Variants in FARP1 observed in about 807,000 individuals in gnomAD.
FARP1 encodes FERM, ARHGEF and pleckstrin domain-containing protein 1.
In FARP1, 52 loss-of-function variants were observed where a neutral mutation model predicts 128.8. The ratio of observed to expected loss-of-function variants is 0.40; its 90% CI spans 0.32 to 0.51. The LOEUF (loss-of-function observed/expected upper bound fraction) is 0.51, where lower values mean the gene tolerates loss of function less well. FARP1 is among the 20% of genes least tolerant of loss of function. The pLI is 0.45. For synonymous variants in FARP1, 580 were observed against 551.8 expected, an observed-to-expected ratio of 1.05 and a Z score of -0.72; for missense variants, 1,333 against 1,367.9, an observed-to-expected ratio of 0.97 and a Z score of 0.40.
At chr13:98,234,256 G>T (rs1882299234) in intron 2 of FARP1, 1 of 152,188 alleles carries the variant, frequency 6.6e-6, no homozygotes, top group Non-Finnish European at 1.5e-5. Flanking sequence ...TGGATGGGAG[G>T]TTCAGTTGTT....
At chr13:98,429,230 C>T (rs1367909490) in intron 17 of FARP1, among the ~76,000 whole-genome samples, 3 of 152,180 alleles carry the variant, frequency 2.0e-5, no homozygotes, top group East Asian at 1.9e-4. Context: ...GGGCAGGCCC[C>T]GGAGTAACCC....
At chr13:98,193,625 C>T (rs1303303736) in intron 1 of FARP1, among the ~76,000 whole-genome samples, 1 of 152,218 alleles carries the variant, frequency 6.6e-6, no homozygotes, top group Admixed American at 6.5e-5. Context: ...TTATTCAAAA[C>T]TCTTTGGGCA....
At chr13:98,226,820 T>A (rs1881804975) in intron 2 of FARP1, among the ~76,000 whole-genome samples, 1 of 152,192 alleles carries the variant, frequency 6.6e-6, no homozygotes, top group African/African-American at 2.4e-5. Flanking sequence ...TTGTTGTTTT[T>A]GAGTTATTTT....
At chr13:98,352,394 C>T (rs1272358584) in intron 3 of FARP1, among the ~76,000 whole-genome samples, 1 of 152,114 alleles carries the variant, frequency 6.6e-6, no homozygotes, top group African/African-American at 2.4e-5. Context: ...CAGTAACTGC[C>T]CCTTGAGACG....
At chr13:98,422,278 G>A (rs1245975467) in intron 16 of FARP1, among the ~76,000 whole-genome samples, 9 of 150,968 alleles carry the variant, frequency 6.0e-5, no homozygotes, top group Non-Finnish European at 1.2e-4. Flanking sequence ...TAGGAGGAGG[G>A]GAGGTGGGCT....
At chr13:98,231,988 C>T (rs1226681563) in intron 2 of FARP1, among the ~76,000 whole-genome samples, 1 of 151,904 alleles carries the variant, frequency 6.6e-6, no homozygotes, top group African/African-American at 2.4e-5. Context: ...TCACCACGCC[C>T]AGCTAATTTC....
chr13:98,309,857 C>T (rs1382315005), intron 2 of FARP1, among the ~76,000 whole-genome samples: 4 of 152,298 alleles, frequency 2.6e-5, no homozygotes, highest in South Asian at 2.1e-4. Flanking sequence ...AAGCCATTCC[C>T]GTGCACTTTA....
At chr13:98,405,398 G>C (rs1452322890) in intron 13 of FARP1, 2 of 152,206 alleles carry the variant, frequency 1.3e-5, no homozygotes, top group Non-Finnish European at 2.9e-5. Context: ...GTGTACATTT[G>C]AAAGGATTTT....
chr13:98,338,081 T>C (rs545136545), intron 2 of FARP1, among the ~76,000 whole-genome samples: 9 of 152,372 alleles, frequency 5.9e-5, no homozygotes, highest in South Asian at 2.1e-4. Context: ...ATGTGAGCCC[T>C]GTTCCTCAAC....
At chr13:98,316,562 C>T (rs1296799293) in intron 2 of FARP1, among the ~76,000 whole-genome samples, 1 of 152,204 alleles carries the variant, frequency 6.6e-6, no homozygotes, top group Non-Finnish European at 1.5e-5. Context: ...AGAGCTCAGC[C>T]TCCAGCAGCC....
chr13:98,394,904 G>C (rs1490789201), intron 12 of FARP1, among the ~76,000 whole-genome samples: 1 of 152,224 alleles, frequency 6.6e-6, no homozygotes, highest in Non-Finnish European at 1.5e-5. Context: ...CAGCCTAGGT[G>C]ACAGAGTAAG....
At chr13:98,292,382 A>G (rs1245051938) in intron 2 of FARP1, among the ~76,000 whole-genome samples, 6 of 152,262 alleles carry the variant, frequency 3.9e-5, no homozygotes, top group Non-Finnish European at 7.3e-5. Flanking sequence ...GTACTTGGTA[A>G]AAATGAAATG....
chr13:98,388,148 T>A (rs1347179974), intron 8 of FARP1, among the ~76,000 whole-genome samples: 1 of 152,114 alleles, frequency 6.6e-6, no homozygotes, highest in African/African-American at 2.4e-5. Flanking sequence ...TAGTTTCTTC[T>A]CTCCCTAGAG....
At chr13:98,399,019 A>G (rs778107745) in intron 13 of FARP1, 6 of 152,154 alleles carry the variant, frequency 3.9e-5, no homozygotes, top group Non-Finnish European at 7.4e-5. Context: ...CAGTATACTC[A>G]GTTGTGTATT....
At chr13:98,162,266 G>C (rs1876941690) in intron 1 of FARP1, among the ~76,000 whole-genome samples, 3 of 152,176 alleles carry the variant, frequency 2.0e-5, no homozygotes, top group Admixed American at 2.0e-4. Context: ...TAATACTCCT[G>C]TGTGCCATGC....
intron 17 of FARP1, among the ~76,000 whole-genome samples, chr13:98,429,623 G>T (rs1891934487): frequency 6.6e-6 from 1 of 152,204 alleles, no homozygotes; most frequent in South Asian, 2.1e-4. Flanking sequence ...CCTGGCTGGT[G>T]GTGGTACCCA....
intron 1 of FARP1, among the ~76,000 whole-genome samples, chr13:98,187,348 C>T (rs1027608922): frequency 6.6e-6 from 1 of 152,160 alleles, no homozygotes; most frequent in African/African-American, 2.4e-5. Flanking sequence ...AGTGGAGATG[C>T]TGTCACATAA....
At chr13:98,411,601 C>T (rs1891196884) in intron 15 of FARP1, among the ~76,000 whole-genome samples, 1 of 152,176 alleles carries the variant, frequency 6.6e-6, no homozygotes, top group Admixed American at 6.5e-5. Flanking sequence ...GTGAATCGGC[C>T]AGAATGGAGG....
At chr13:98,174,419 C>T (rs1021443214) in intron 1 of FARP1, among the ~76,000 whole-genome samples, 1 of 152,124 alleles carries the variant, frequency 6.6e-6, no homozygotes, top group Non-Finnish European at 1.5e-5. Flanking sequence ...ATCCTGGAGC[C>T]AGAGCTTAGA....
Sources: gnomAD v4.1 joint callset for allele counts (sites outside exome capture counted in the v4.1 genomes callset) on GRCh38, gnomAD v4.1.1 for gene constraint, MANE v1.5 for transcripts, NCBI Gene and HGNC (gene_info 2026-07-23, HGNC 2026-07-21) for gene names.